UNG: variants seen among roughly 807,000 people sequenced by gnomAD.
UNG encodes uracil-DNA glycosylase.
A neutral mutation model predicts 36.5 loss-of-function variants in UNG; 34 were observed. The observed-to-expected ratio is 0.93, with a 90% CI of 0.71 to 1.24. The LOEUF is 1.24. Ranked by LOEUF, UNG falls within the 50% of genes most tolerant of loss-of-function variation. The pLI is 0.00. For synonymous variants in UNG, 172 were observed against 157.8 expected (o/e 1.09, Z -0.67); for missense variants, 391 against 397.6 (o/e 0.98, Z 0.14).
At position 109,099,364 on chromosome 12, in the gene UNG, C is replaced by T. The variant is rs140241808; in HGVS notation, c.435+80C>T. ...TTAAATTAGGGACACTGGAGTTAAG[C>T]CACAGTCCATCATTCAGTAGTAAAT... On this transcript the variant is annotated intron_variant, in intron 3 of 6. Coordinates refer to ENST00000242576, the MANE Select transcript of UNG (RefSeq NM_080911.3). 66 of 1,198,992 alleles carry T rather than the reference C, an allele frequency of 5.5e-5. 2 individuals are homozygous for T. In the Middle Eastern group the frequency reaches 5.7e-4, roughly 10 times the overall value. 74.3% of individuals were successfully genotyped at this position (1,198,992 alleles called of 1,614,324 possible).
chr12:109,099,046 T>C, intron 2 of UNG, 143 bp from the exon 3 acceptor site: 1 of 864,110 alleles, frequency 1.2e-6, no homozygotes, highest in South Asian at 1.6e-5. Flanking sequence ...ACTGTTTTTG[T>C]TTGTTGTTTT....
At chr12:109,100,695 G>A (rs2042169629) in intron 3 of UNG, among the ~76,000 whole-genome samples, 1 of 152,198 alleles carries the variant, frequency 6.6e-6, no homozygotes, top group Non-Finnish European at 1.5e-5. Context: ...GATCAGATGG[G>A]CCAGCAGGGC....
chr12:109,106,920 T>TACATATATACAC (rs1566123286), intron 6 of UNG, among the ~76,000 whole-genome samples: 7 of 10,294 alleles, frequency 6.8e-4, no homozygotes, highest in Non-Finnish European at 3.0e-3. Context: ...TATATATGTG[T>TACATATATACAC]ATATATATAT....
chr12:109,110,976 A>G lies in UNG; in HGVS notation c.*1007A>G, dbSNP rs1353289722. On this transcript the variant is annotated 3_prime_UTR_variant, in exon 7 of 7. Coordinates refer to ENST00000242576, the MANE Select transcript of UNG (RefSeq NM_080911.3). ...TGGCTCTACGCGAGGTTTGTTAATA[A>G]AAGTTTGTTAAAAGTTTGTTTTGTG... 1 of 152,036 alleles carries G rather than the reference A, an allele frequency of 6.6e-6. No homozygotes were observed. The highest frequency in any genetic ancestry group is 1.9e-4 in the East Asian group (1 of 5,176). The allele number at this position is 152,036 out of a possible 1,614,324, so 9.4% of individuals were successfully genotyped here.
At position 109,098,407 on chromosome 12, in the gene UNG, C is replaced by T. The variant is rs56106604; in HGVS notation, c.133-25C>T. ...GGAAGGGGCCGCTGCAGCTCTTGAG[C>T]CGCCTCTGCGGGGACCACTTGCAGG... On this transcript the variant is annotated intron_variant, in intron 1 of 6. Coordinates refer to ENST00000242576, the MANE Select transcript of UNG (RefSeq NM_080911.3). 157 of 1,602,490 alleles carry T rather than the reference C, an allele frequency of 9.8e-5. No homozygotes were observed. In the African/African-American group the frequency reaches 1.8e-3, roughly 18 times the overall value.
Position 109,101,897 on chromosome 12 carries a change from C to T in UNG, c.436-5C>T, listed in dbSNP as rs757279605. ...GTTTAATTCCTGACCCCTGGTGGTT[C>T]ACAGGTGAAGGTTGTCATCCTGGGA... On this transcript the variant is annotated splice_region_variant and splice_polypyrimidine_tract_variant and intron_variant, in intron 3 of 6. Coordinates refer to ENST00000242576, the MANE Select transcript of UNG (RefSeq NM_080911.3). The T allele has an allele frequency of 6.8e-6, 11 of 1,613,312 alleles. No homozygotes were observed. Among genetic ancestry groups the T allele is most frequent in the Non-Finnish European group, 8.5e-6 (10 of 1,179,482 alleles).
In UNG at chr12:109,109,915, C is replaced by T. The variant is rs779264234; in HGVS notation, c.888C>T (p.Thr296=). ...GFFGCRHFSK[T]NELLQKSGKK... is the part of the protein sequence containing the mutation. ...TTGGATGTAGACACTTTTCAAAGAC[C>T]AATGAGCTGCTGCAGAAGTCTGGCA... Residue 296 remains threonine (T), a synonymous_variant, in exon 7 of 7, where the codon ACC becomes ACT. Transcript: ENST00000242576. 6.2e-7 allele frequency: 1 copy of T among 1,614,024 alleles called. No individual in the cohort carries two copies. The highest frequency in any genetic ancestry group is 8.5e-7 in the Non-Finnish European group (1 of 1,180,040).
intron 6 of UNG, among the ~76,000 whole-genome samples, chr12:109,107,687 A>G (rs544737933): frequency 2.0e-5 from 3 of 151,592 alleles, no homozygotes; most frequent in Non-Finnish European, 4.4e-5. Flanking sequence ...CACCACATCC[A>G]GCTAATTTTG....
At chr12:109,104,035 C>T in intron 6 of UNG, among the ~76,000 whole-genome samples, 1 of 131,040 alleles carries the variant, frequency 7.6e-6, no homozygotes, top group East Asian at 2.4e-4. Flanking sequence ...TATCAGTGAT[C>T]ATTATTGTTT....
intron 6 of UNG, 41 bp downstream of exon 6, chr12:109,103,652 C>T (rs1177101737): frequency 2.6e-6 from 4 of 1,536,990 alleles, no homozygotes; most frequent in Non-Finnish European, 3.5e-6. Flanking sequence ...TTTTTTTTAA[C>T]ACTATAAAAA....
At chr12:109,100,344 T>G (rs1170901689) in intron 3 of UNG, among the ~76,000 whole-genome samples, 1 of 152,238 alleles carries the variant, frequency 6.6e-6, no homozygotes, top group African/African-American at 2.4e-5. Context: ...ACTGGACTTT[T>G]AGGTTTCTTA....
intron 6 of UNG, among the ~76,000 whole-genome samples, chr12:109,106,865 CA>C (rs201450772): frequency 9.5e-4 from 25 of 26,262 alleles, no homozygotes; most frequent in South Asian, 2.6e-3. Context: ...GACTCTATCT[CA>C]AAAAAAAAAC....
rs552529830 is a variant in UNG, at chr12:109,108,656, G to A, written c.802-1173G>A. Among the ~76,000 whole-genome samples the A allele has an allele frequency of 4.0e-5, 6 of 151,664 alleles. No homozygotes were observed. The South Asian group carries it at 8.5e-4, about 21-fold the overall frequency. ...CAAAAAATAAAAAATTAAAAAAAAA[G>A]ATCTTGCTCTGTCACCCAGGCTGGA... is the stretch of plus-strand genomic sequence containing the variant. On this transcript the variant is annotated intron_variant, in intron 6 of 6. Transcript: ENST00000242576.
In UNG at chr12:109,097,825, TGGGCCGGGGCTA is replaced by T. The variant is rs1566119384; in HGVS notation, c.132+18_132+29del. 2 of 1,535,214 alleles carry T rather than the reference TGGGCCGGGGCTA, an allele frequency of 1.3e-6. No individual in the cohort carries two copies. Among genetic ancestry groups the T allele is most frequent in the Non-Finnish European group, 1.8e-6 (2 of 1,138,240 alleles). ...GGAGATGCGGCGGTGAGGCGCGGCT[TGGGCCGGGGCTA>T]GGGGGTGAAGGGGGAGGAAGGCGGT... is the stretch of plus-strand genomic sequence containing the variant. On this transcript the variant is annotated intron_variant, in intron 1 of 6. Transcript: ENST00000242576.
chr12:109,097,706 C>T lies in UNG; in HGVS notation c.27C>T (p.Ser9=). MIGQKTLY[S]FFSPSPARKR... ...TGATCGGCCAGAAGACGCTCTACTC[C>T]TTTTTCTCCCCCAGCCCCGCCAGGA... The change falls in exon 1 of 7, where the codon TCC becomes TCT. Residue 9 remains serine, a synonymous_variant. Transcript: ENST00000242576. 6.3e-7 allele frequency: 1 copy of T among 1,599,656 alleles called. No individual in the cohort carries two copies. Among genetic ancestry groups the T allele is most frequent in the Non-Finnish European group, 8.5e-7 (1 of 1,173,278 alleles).
intron 3 of UNG, among the ~76,000 whole-genome samples, chr12:109,099,699 T>C (rs2042162833): frequency 6.6e-6 from 1 of 152,202 alleles, no homozygotes; most frequent in African/African-American, 2.4e-5. Context: ...CTGAACAGTT[T>C]TGTGGTTCTG....
In UNG at chr12:109,102,922, AG is replaced by A. The variant is rs1356837429; in HGVS notation, c.618del (p.Lys206AsnfsTer37). On this transcript the variant is annotated frameshift_variant, in exon 5 of 7. Transcript: ENST00000242576. LOFTEE classifies it high-confidence loss of function. ...CATGGAGATTTATCTGGGTGGGCCA[AG>A]CAAGGTAAGCCAGCGACTGCTAGAT... ...PGHGDLSGWAKQGVLLLNAVL... is the reference protein window; with the variant it reads ...PGHGDLSGWAXQGVLLLNAVL... 1 of 1,604,462 alleles carries A rather than the reference AG, an allele frequency of 6.2e-7. No homozygotes were observed. The highest frequency in any genetic ancestry group is 1.3e-5 in the African/African-American group (1 of 74,460).
At chr12:109,102,403 G>A (rs374999785) in intron 4 of UNG, among the ~76,000 whole-genome samples, 8 of 152,154 alleles carry the variant, frequency 5.3e-5, no homozygotes, top group Admixed American at 2.0e-4. Context: ...GCTGGATCCC[G>A]GGAGGCGGAG....
At chr12:109,106,667 G>A (rs554659930) in intron 6 of UNG, among the ~76,000 whole-genome samples, 1 of 151,014 alleles carries the variant, frequency 6.6e-6, no homozygotes, top group South Asian at 2.1e-4. Flanking sequence ...GGGTGGCCGA[G>A]GCGAGTGGAT....
Sources: gnomAD v4.1 joint callset for allele counts (sites outside exome capture counted in the v4.1 genomes callset) on GRCh38, gnomAD v4.1.1 for gene constraint, MANE v1.5 for transcripts, NCBI Gene and HGNC (gene_info 2026-07-23, HGNC 2026-07-21) for gene names.